IGFL2: variants seen among roughly 807,000 people sequenced by gnomAD.
The protein encoded by IGFL2 is insulin growth factor-like family member 2.
In IGFL2, 7 loss-of-function variants were observed where a neutral mutation model predicts 13.9. The observed-to-expected ratio is 0.51, with a 90% confidence interval of 0.29 to 0.95. IGFL2 has a LOEUF of 0.95. Ranked by LOEUF, IGFL2 falls within the 40% of genes least tolerant of loss-of-function variation. The pLI is 0.08. For synonymous variants in IGFL2, 55 were observed against 55.8 expected, an observed-to-expected ratio of 0.99 and a Z score of 0.07; for missense variants, 138 against 147.8, an observed-to-expected ratio of 0.93 and a Z score of 0.34.
intron 1 of IGFL2, chr19:46,148,848 T>C: frequency 1.3e-6 from 2 of 1,500,918 alleles, no homozygotes. Flanking sequence ...GTTGTGCCAG[T>C]TGACACTCAG....
the IGFL2 span, among the ~76,000 whole-genome samples, chr19:46,099,533 C>CTT: frequency 1.1e-4 from 16 of 142,500 alleles, no homozygotes; most frequent in East Asian, 6.0e-4. Flanking sequence ...TTCTTTCTTT[C>CTT]TTTTTTTTTT....
rs79045718 is a variant in IGFL2, at chr19:46,155,750, GC to G, written c.20-4663del. Among the ~76,000 whole-genome samples the G allele has an allele frequency of 7.2e-5, 11 of 152,224 alleles. No homozygotes were observed. In the South Asian group the frequency reaches 8.3e-4, roughly 11 times the overall value. ...ATATCTATTAAAAGGACTAATCTTT[GC>G]CTGGTGAGTTGTAGTGGTACAATTG... On this transcript the variant is annotated intron_variant, in intron 1 of 3. Coordinates refer to ENST00000377693, the MANE Select transcript of IGFL2 (RefSeq NM_001135113.2).
At chr19:46,128,105 A>G in the IGFL2 span, among the ~76,000 whole-genome samples, 1 of 152,124 alleles carries the variant, frequency 6.6e-6, no homozygotes, top group African/African-American at 2.4e-5. Flanking sequence ...TGGGAATTGC[A>G]GTCCTGATTT....
the IGFL2 span, among the ~76,000 whole-genome samples, chr19:46,093,717 AAT>A: frequency 6.6e-6 from 1 of 152,226 alleles, no homozygotes; most frequent in Non-Finnish European, 1.5e-5. Flanking sequence ...AATATAAAAT[AAT>A]AAAATGTATT....
the IGFL2 span, among the ~76,000 whole-genome samples, chr19:46,080,183 A>C: frequency 3.9e-5 from 6 of 152,332 alleles, no homozygotes; most frequent in East Asian, 1.2e-3. Flanking sequence ...AATGACCAAA[A>C]AATTAATGGG....
chr19:46,092,947 A>G, the IGFL2 span, among the ~76,000 whole-genome samples: 1 of 152,240 alleles, frequency 6.6e-6, no homozygotes, highest in Non-Finnish European at 1.5e-5. Flanking sequence ...CCTTAACCAG[A>G]AAAGTGACAA....
chr19:46,140,778 T>C (rs886596535), upstream of IGFL2, among the ~76,000 whole-genome samples: 2 of 152,144 alleles, frequency 1.3e-5, no homozygotes, highest in Admixed American at 1.3e-4. Context: ...GTCTAATGAA[T>C]GAATTCCTGG....
the IGFL2 span, among the ~76,000 whole-genome samples, chr19:46,179,086 AG>A: frequency 6.6e-6 from 1 of 151,732 alleles, no homozygotes; most frequent in Non-Finnish European, 1.5e-5. Context: ...GCAGGGCTGC[AG>A]GGGTCCGGGC....
the IGFL2 span, among the ~76,000 whole-genome samples, chr19:46,118,460 A>C: frequency 6.6e-6 from 1 of 152,200 alleles, no homozygotes; most frequent in Non-Finnish European, 1.5e-5. Context: ...TAAGAGAGAA[A>C]GCCCCTGGGC....
chr19:46,192,025 C>A, the IGFL2 span, among the ~76,000 whole-genome samples: 4 of 152,070 alleles, frequency 2.6e-5, no homozygotes, highest in Non-Finnish European at 4.4e-5. Flanking sequence ...AAGTGAAAAC[C>A]AAAGCTCCTT....
chr19:46,088,484 A>T, the IGFL2 span, among the ~76,000 whole-genome samples: 2 of 152,362 alleles, frequency 1.3e-5, no homozygotes, highest in African/African-American at 4.8e-5. Flanking sequence ...ATATATTTAC[A>T]CTTCGTGTTC....
chr19:46,118,868 A>C, the IGFL2 span, among the ~76,000 whole-genome samples: 1 of 152,260 alleles, frequency 6.6e-6, no homozygotes, highest in Non-Finnish European at 1.5e-5. Flanking sequence ...CCCAAGGTGC[A>C]GTTTCCATAG....
chr19:46,182,220 A>G, the IGFL2 span, among the ~76,000 whole-genome samples: 1 of 152,082 alleles, frequency 6.6e-6, no homozygotes, highest in Non-Finnish European at 1.5e-5. Flanking sequence ...TACAAAAATT[A>G]GCCGGGCTTG....
chr19:46,132,097 G>C, the IGFL2 span, among the ~76,000 whole-genome samples: 1 of 152,258 alleles, frequency 6.6e-6, no homozygotes, highest in South Asian at 2.1e-4. Context: ...GCAGAGGAGG[G>C]AAACAGTGAA....
the IGFL2 span, chr19:46,212,681 A>G: frequency 6.6e-6 from 1 of 151,904 alleles, no homozygotes; most frequent in African/African-American, 2.4e-5. Flanking sequence ...AAGAACGACA[A>G]TAACCAAAAT....
the IGFL2 span, chr19:46,173,683 C>T: frequency 2.0e-5 from 3 of 152,228 alleles, no homozygotes; most frequent in East Asian, 3.8e-4. Context: ...GAGGAATCTC[C>T]TCCCATGACC....
At chr19:46,170,565 G>C in the IGFL2 span, among the ~76,000 whole-genome samples, 1 of 152,192 alleles carries the variant, frequency 6.6e-6, no homozygotes, top group Non-Finnish European at 1.5e-5. Context: ...CTGCCTGTGG[G>C]CTGGGCAGGA....
Position 46,160,478 on chromosome 19 carries a change from A to G in IGFL2, c.73+10A>G, listed in dbSNP as rs772037589. On this transcript the variant is annotated intron_variant, in intron 2 of 3. Coordinates refer to ENST00000377693, the MANE Select transcript of IGFL2 (RefSeq NM_001135113.2). ...CCAAGGGAAGTCATCGGTGAGTACA[A>G]GGATGGGCAAGAGTGAAGAGGAAGG... The G allele has an allele frequency of 6.2e-7, 1 of 1,613,644 alleles. No homozygotes were observed. Among genetic ancestry groups the G allele is most frequent in the Middle Eastern group, 1.7e-4 (1 of 6,060 alleles).
the IGFL2 span, among the ~76,000 whole-genome samples, chr19:46,131,885 G>A: frequency 6.6e-6 from 1 of 152,158 alleles, no homozygotes; most frequent in South Asian, 2.1e-4. Context: ...GTTGCAGTGA[G>A]CCAATATTAT....
Sources: allele counts gnomAD v4.1 joint callset (sites outside exome capture counted in the v4.1 genomes callset), GRCh38; gene constraint gnomAD v4.1.1; transcripts MANE v1.5; gene names NCBI Gene and HGNC (gene_info 2026-07-23, HGNC 2026-07-21).